HDAC4: variants seen among roughly 807,000 people sequenced by gnomAD.
The protein encoded by HDAC4 is histone deacetylase 4.
Under a neutral mutation model 135.1 loss-of-function variants are expected in HDAC4, and 16 were observed. That is an observed-to-expected ratio of 0.12 (90% CI 0.08 to 0.18). HDAC4 has a LOEUF of 0.18. HDAC4 is among the 10% of genes least tolerant of loss of function. The probability of loss-of-function intolerance (pLI) is 1.00; values close to 1 mark genes in which losing one functional copy is unlikely to be tolerated. For synonymous variants in HDAC4, 685 were observed against 653.4 expected (o/e 1.05, Z -0.74); for missense variants, 1,143 against 1,511.8 (o/e 0.76, Z 4.05).
intron 2 of HDAC4, among the ~76,000 whole-genome samples, chr2:239,288,013 C>T (rs2051232806): frequency 2.0e-5 from 3 of 148,546 alleles, no homozygotes; most frequent in Non-Finnish European, 4.5e-5. Flanking sequence ...TTAATTTTTA[C>T]AAACTTTCAA....
chr2:239,373,277 C>T (rs1694764510), intron 1 of HDAC4, among the ~76,000 whole-genome samples: 1 of 152,198 alleles, frequency 6.6e-6, no homozygotes, highest in South Asian at 2.1e-4. Context: ...TTGCCATATT[C>T]TGCCAAGCTA....
At chr2:239,171,503 G>C (rs1003800940) in intron 5 of HDAC4, among the ~76,000 whole-genome samples, 14 of 152,190 alleles carry the variant, frequency 9.2e-5, no homozygotes, top group Non-Finnish European at 1.3e-4. Context: ...AAACTTAGGG[G>C]ATACTGAAAG....
In HDAC4 at chr2:239,050,390, GAATGAGGCC is replaced by G. The variant is rs1469936051; in HGVS notation, c.*2698_*2706del. 2.0e-5 allele frequency: 3 copies of G among 152,276 alleles called. No individual in the cohort carries two copies. The highest frequency in any genetic ancestry group is 7.2e-5 in the African/African-American group (3 of 41,468). 9.4% of individuals were successfully genotyped at this position (152,276 alleles called of 1,614,324 possible). On this transcript the variant is annotated 3_prime_UTR_variant, in exon 27 of 27. Transcript: ENST00000543185. ...CAGGATCCCCAGAGGGCTATGCAGA[GAATGAGGCC>G]AAGGAGGCCAGAAGAGCCTGCTAGC...
chr2:239,182,957 A>G (rs2044246943), intron 4 of HDAC4, among the ~76,000 whole-genome samples: 1 of 152,196 alleles, frequency 6.6e-6, no homozygotes, highest in Non-Finnish European at 1.5e-5. Context: ...GAAAAACAGG[A>G]CTTTGAGATG....
chr2:239,323,223 G>T (rs536349609), intron 2 of HDAC4, among the ~76,000 whole-genome samples: 1 of 152,230 alleles, frequency 6.6e-6, no homozygotes, highest in Non-Finnish European at 1.5e-5. Flanking sequence ...CTGTTCTATC[G>T]TGTATGTAAT....
intron 7 of HDAC4, among the ~76,000 whole-genome samples, chr2:239,151,309 C>T (rs1049918522): frequency 5.9e-5 from 9 of 152,202 alleles, no homozygotes; most frequent in East Asian, 1.9e-4. Context: ...TGCAGACCTG[C>T]GGACACAACG....
intron 12 of HDAC4, among the ~76,000 whole-genome samples, chr2:239,120,811 G>C (rs1372099120): frequency 6.6e-6 from 1 of 151,980 alleles, no homozygotes; most frequent in Admixed American, 6.6e-5. Context: ...CCCTTCTCTA[G>C]GGTGGGGTGG....
rs2152906274 is a variant in HDAC4 at position 239,141,581 on chromosome 2, C to T, written c.866-1785G>A. Among the ~76,000 whole-genome samples the T allele has an allele frequency of 6.6e-6, 1 of 152,284 alleles. No individual in the cohort carries two copies. Among genetic ancestry groups the T allele is most frequent in the Non-Finnish European group, 1.5e-5 (1 of 68,026 alleles). On this transcript the variant is annotated intron_variant, in intron 8 of 26. Transcript: ENST00000543185. The surrounding 1 kb of genome is among the most constrained non-coding windows in gnomAD (Gnocchi z 4.9). ...TGCATTTCACTCAAGAAAGCAGGAC[C>T]CGCCTTCTCCAGGCCCCTCCAACTC...
rs144667608 is a variant in HDAC4, at chr2:239,323,535, C to G, written c.22+29143G>C. The stretch of plus-strand genomic sequence containing the variant: ...CAAAGCAATAAATGGGGCAGATCCT[C>G]GGAGAGCCTGTGTGTGGAAGGCACT... On this transcript the variant is annotated intron_variant, in intron 2 of 26. Coordinates refer to ENST00000543185, the MANE Select transcript of HDAC4 (RefSeq NM_001378414.1). 5.9e-3 allele frequency among the ~76,000 whole-genome samples: 894 copies of G among 152,290 alleles called. 9 individuals are homozygous for G. Among genetic ancestry groups the G allele is most frequent in the Non-Finnish European group, 9.6e-3 (656 of 68,020 alleles).
chr2:239,059,902 C>G (rs946285817), intron 24 of HDAC4, among the ~76,000 whole-genome samples: 1 of 152,144 alleles, frequency 6.6e-6, no homozygotes, highest in Non-Finnish European at 1.5e-5. Flanking sequence ...TCTGGGGGAC[C>G]TTGGACCCAC....
In HDAC4 at chr2:239,258,983, T is replaced by C. The variant is rs572629994; in HGVS notation, c.23-22319A>G. Among the ~76,000 whole-genome samples the C allele has an allele frequency of 2.2e-3, 334 of 152,352 alleles. 1 individual carries two copies. Among genetic ancestry groups the C allele is most frequent in the African/African-American group, 7.2e-3 (301 of 41,582 alleles). ...TGGAAAGAAAACAGTTGGAAAAATATGTACCTTGCAAATAACAGCCGAAGG... is the reference window on the plus strand; with the variant it reads ...TGGAAAGAAAACAGTTGGAAAAATACGTACCTTGCAAATAACAGCCGAAGG... On this transcript the variant is annotated intron_variant, in intron 2 of 26. Transcript: ENST00000543185.
intron 1 of HDAC4, among the ~76,000 whole-genome samples, chr2:239,353,462 C>T (rs1693295131): frequency 6.6e-6 from 1 of 152,186 alleles, no homozygotes; most frequent in Admixed American, 6.5e-5. Context: ...AGCCTCAGTA[C>T]CACTGGGATT....
intron 2 of HDAC4, among the ~76,000 whole-genome samples, chr2:239,314,880 T>C (rs2053049916): frequency 6.6e-6 from 1 of 152,188 alleles, no homozygotes; most frequent in Non-Finnish European, 1.5e-5. Context: ...AACATTAACC[T>C]GAAAAGCTAG....
chr2:239,260,041 C>T (rs558426335), intron 2 of HDAC4, among the ~76,000 whole-genome samples: 6 of 152,236 alleles, frequency 3.9e-5, no homozygotes, highest in Non-Finnish European at 7.3e-5. Context: ...TTGCCTTCCA[C>T]CCCCAACGCT....
At chr2:239,130,945 G>GCT (rs2040534802) in intron 11 of HDAC4, among the ~76,000 whole-genome samples, 1 of 152,184 alleles carries the variant, frequency 6.6e-6, no homozygotes, top group South Asian at 2.1e-4. Context: ...GCAGCACAGG[G>GCT]CTCTGCACAG....
At chr2:239,060,035 G>C (rs140275470) in intron 24 of HDAC4, among the ~76,000 whole-genome samples, 401 of 152,352 alleles carry the variant, frequency 2.6e-3, no homozygotes, top group African/African-American at 8.8e-3. Flanking sequence ...GAAGGACACG[G>C]GCTGGCCAGC....
chr2:239,260,440 C>A (rs368346296), intron 2 of HDAC4, among the ~76,000 whole-genome samples: 27 of 152,334 alleles, frequency 1.8e-4, no homozygotes, highest in African/African-American at 6.3e-4. Context: ...AATAACGGGT[C>A]TGGAGCAGGG....
intron 4 of HDAC4, among the ~76,000 whole-genome samples, chr2:239,182,639 A>G (rs1201821176): frequency 6.6e-6 from 1 of 152,158 alleles, no homozygotes; most frequent in Non-Finnish European, 1.5e-5. Flanking sequence ...TATTAGATTT[A>G]TAACAGATTA....
chr2:239,318,939 G>A (rs1221218986), intron 2 of HDAC4, among the ~76,000 whole-genome samples: 1 of 152,048 alleles, frequency 6.6e-6, no homozygotes, highest in African/African-American at 2.4e-5. Flanking sequence ...GAGACACAAC[G>A]GATTCCTGCC....
Sources: allele counts gnomAD v4.1 joint callset (sites outside exome capture counted in the v4.1 genomes callset), GRCh38; gene constraint gnomAD v4.1.1; non-coding constraint Gnocchi (gnomAD v3.1); transcripts MANE v1.5; gene names NCBI Gene and HGNC (gene_info 2026-07-23, HGNC 2026-07-21).